The following ROBO2 variants were observed in gnomAD, a reference collection of about 807,000 sequenced individuals.
ROBO2 encodes roundabout guidance receptor 2.
A neutral mutation model predicts 160.8 loss-of-function variants in ROBO2; 53 were observed. The ratio of observed to expected loss-of-function variants is 0.33; its 90% CI spans 0.26 to 0.41. The LOEUF is 0.41. ROBO2 is among the 10% of genes least tolerant of loss of function. The pLI is 1.00. For missense variants in ROBO2, 1,577 were observed against 1,722.4 expected (o/e 0.92, Z 1.49); for synonymous variants, 664 against 611.7 (o/e 1.09, Z -1.26).
chr3:76,889,495 A>G (rs1439573602), intron 2 of ROBO2, among the ~76,000 whole-genome samples: 1 of 152,192 alleles, frequency 6.6e-6, no homozygotes, highest in Admixed American at 6.5e-5. Context: ...CATGGTAAAG[A>G]CTTCTAATAT....
chr3:77,121,665 T>C (rs2074786064), intron 2 of ROBO2, among the ~76,000 whole-genome samples: 1 of 152,144 alleles, frequency 6.6e-6, no homozygotes, highest in African/African-American at 2.4e-5. Flanking sequence ...GCCACCATGC[T>C]CTGTTGAAAT....
chr3:76,336,369 T>C (rs1420059917), intron 2 of ROBO2, among the ~76,000 whole-genome samples: 2 of 152,220 alleles, frequency 1.3e-5, no homozygotes, highest in African/African-American at 4.8e-5. Context: ...TTTGAGGTGA[T>C]TCTGTGCCCA....
chr3:76,442,288 T>TA (rs2076958443), intron 2 of ROBO2, among the ~76,000 whole-genome samples: 1 of 152,186 alleles, frequency 6.6e-6, no homozygotes, highest in South Asian at 2.1e-4. Flanking sequence ...CCCAGCAACT[T>TA]ATCCCTCCAT....
intron 2 of ROBO2, among the ~76,000 whole-genome samples, chr3:76,119,892 CT>C (rs1559566484): frequency 4.5e-5 from 6 of 132,582 alleles, no homozygotes; most frequent in African/African-American, 1.9e-4. Context: ...CTTCCCTTCC[CT>C]TCCTTCCCTT....
At chr3:76,933,058 C>A (rs1252225802) in intron 2 of ROBO2, among the ~76,000 whole-genome samples, 1 of 127,636 alleles carries the variant, frequency 7.8e-6, no homozygotes, top group Non-Finnish European at 1.7e-5. Flanking sequence ...AGGAAGTGGA[C>A]AGGAAGTGAA....
At chr3:75,917,855 A>G (rs1946874348) in intron 1 of ROBO2, among the ~76,000 whole-genome samples, 1 of 146,586 alleles carries the variant, frequency 6.8e-6, no homozygotes, top group South Asian at 2.3e-4. Context: ...GTGTCTGTTC[A>G]TATCCTTTGC....
At chr3:76,418,461 G>A (rs948042388) in intron 2 of ROBO2, among the ~76,000 whole-genome samples, 2 of 152,030 alleles carry the variant, frequency 1.3e-5, no homozygotes, top group African/African-American at 2.4e-5. Context: ...GGATGGTCTC[G>A]ACCTCTTGAC....
intron 2 of ROBO2, among the ~76,000 whole-genome samples, chr3:76,666,988 G>T (rs2092075133): frequency 6.6e-6 from 1 of 151,826 alleles, no homozygotes; most frequent in Non-Finnish European, 1.5e-5. Context: ...TAACATTTCA[G>T]AATGCATTTA....
intron 23 of ROBO2, among the ~76,000 whole-genome samples, chr3:77,625,264 C>G (rs2094987135): frequency 6.6e-6 from 1 of 152,142 alleles, no homozygotes; most frequent in Non-Finnish European, 1.5e-5. Flanking sequence ...CTACAACAAA[C>G]ACCTATCGAA....
rs1026352189 is a variant in ROBO2, at chr3:76,038,144, AAGT to A, written c.109+100545_109+100547del. Among the ~76,000 whole-genome samples the A allele has an allele frequency of 9.2e-5, 14 of 152,024 alleles. 1 individual carries two copies. The highest frequency in any genetic ancestry group is 3.4e-4 in the African/African-American group (14 of 41,296). ...GAAAGATTGTTTGGGAAAGAACAGG[AAGT>A]AGGGGAAGATCATGAGTAGAATTCT... On this transcript the variant is annotated intron_variant, in intron 2 of 26. Transcript: ENST00000487694.
At chr3:76,559,078 G>C (rs193051553) in intron 2 of ROBO2, among the ~76,000 whole-genome samples, 5 of 152,112 alleles carry the variant, frequency 3.3e-5, no homozygotes, top group Admixed American at 1.3e-4. Context: ...TACATACGGG[G>C]CAATTCTATA....
At chr3:76,938,089 C>G (rs953702465) in intron 2 of ROBO2, among the ~76,000 whole-genome samples, 1 of 152,178 alleles carries the variant, frequency 6.6e-6, no homozygotes, top group Admixed American at 6.5e-5. Context: ...ATCAAGAAAA[C>G]ATTTCTTTCT....
chr3:77,248,048 CAG>C (rs2089933372), intron 2 of ROBO2, among the ~76,000 whole-genome samples: 1 of 152,082 alleles, frequency 6.6e-6, no homozygotes, highest in African/African-American at 2.4e-5. Context: ...GCTCAGCCAG[CAG>C]AGAGGAGAAG....
intron 2 of ROBO2, among the ~76,000 whole-genome samples, chr3:76,015,435 G>C (rs2107637819): frequency 7.4e-6 from 1 of 135,940 alleles, no homozygotes; most frequent in South Asian, 2.8e-4. Context: ...TTATTCCCTA[G>C]AGATATTTGC....
chr3:77,307,983 G>A (rs1286709962), intron 2 of ROBO2, among the ~76,000 whole-genome samples: 1 of 151,810 alleles, frequency 6.6e-6, no homozygotes, highest in Non-Finnish European at 1.5e-5. Context: ...AGTAGGAGTA[G>A]GGATGTTTTT....
At chr3:75,923,875 A>G (rs1947169736) in intron 1 of ROBO2, among the ~76,000 whole-genome samples, 1 of 152,150 alleles carries the variant, frequency 6.6e-6, no homozygotes, top group African/African-American at 2.4e-5. Flanking sequence ...ATAACAGCTA[A>G]AGTTCCTTTT....
intron 2 of ROBO2, among the ~76,000 whole-genome samples, chr3:77,184,981 A>G (rs1002715729): frequency 1.3e-5 from 2 of 152,044 alleles, no homozygotes; most frequent in African/African-American, 4.8e-5. Context: ...TTGTAATTTC[A>G]GCTTGAAATA....
chr3:76,002,268 A>T (rs1168180640), intron 2 of ROBO2, among the ~76,000 whole-genome samples: 2 of 152,186 alleles, frequency 1.3e-5, no homozygotes, highest in African/African-American at 4.8e-5. Context: ...CATAGAGAGA[A>T]GATGATGTGA....
intron 2 of ROBO2, among the ~76,000 whole-genome samples, chr3:75,991,950 C>T (rs2065585830): frequency 6.6e-6 from 1 of 152,114 alleles, no homozygotes; most frequent in Non-Finnish European, 1.5e-5. Flanking sequence ...GAACTTTGAA[C>T]TTCAGAGAAA....
Sources: allele counts gnomAD v4.1 joint callset (sites outside exome capture counted in the v4.1 genomes callset), GRCh38; gene constraint gnomAD v4.1.1; transcripts MANE v1.5; gene names NCBI Gene and HGNC (gene_info 2026-07-23, HGNC 2026-07-21).